DUXB: variants seen among roughly 807,000 people sequenced by gnomAD.
DUXB encodes the protein double homeobox B.
A neutral mutation model predicts 8.9 loss-of-function variants in DUXB; 22 were observed. The ratio of observed to expected loss-of-function variants is 2.46; its 90% confidence interval spans 1.76 to 3.52. DUXB has a LOEUF of 3.52. DUXB is among the 30% of genes most tolerant of loss of function. The pLI, the probability that DUXB is intolerant of heterozygous loss-of-function variation, is 0.00. For synonymous variants in DUXB, 84 were observed against 37.6 expected (o/e 2.23, Z -4.52); for missense variants, 237 against 108.7 (o/e 2.18, Z -5.25).
At position 75,696,875 on chromosome 16, in the gene DUXB, T is replaced by A; in HGVS notation, c.249A>T (p.Gln83His). 1.4e-6 allele frequency: 1 copy of A among 702,982 alleles called. No individual in the cohort carries two copies. Among genetic ancestry groups the A allele is most frequent in the South Asian group, 1.5e-5 (1 of 67,594 alleles). The allele number at this position is 702,982 out of a possible 1,614,324, so 43.5% of individuals were successfully genotyped here. The change falls in exon 3 of 5, where the codon CAA (glutamine) becomes CAT (histidine). Residue 83 changes from glutamine (Q) to histidine (H), a missense_variant. Coordinates refer to ENST00000633875, the MANE Select transcript of DUXB (RefSeq NM_001351307.2). Reference sequence around the variant, plus strand: ...GCTGGGACTGGTCATGCCCCTGGGTTTGATCTTTTTCTGAGAAGCACTTAT... The same window carrying A: ...GCTGGGACTGGTCATGCCCCTGGGTATGATCTTTTTCTGAGAAGCACTTAT... Reference protein sequence around the residue: ...LDYKCFSEKDQTQGHDQSQHL... With the variant: ...LDYKCFSEKDHTQGHDQSQHL...
At position 75,696,036 on chromosome 16, in the gene DUXB, C is replaced by G; in HGVS notation, c.366G>C (p.Glu122Asp). The change falls in exon 4 of 5, where the codon GAG (glutamate) becomes GAC (aspartate). Residue 122 changes from glutamate (E) to aspartate (D), a missense_variant. Physicochemically the swap from Glu to Asp is conservative, Grantham distance 45 (BLOSUM62 2). Transcript: ENST00000633875. The part of the protein sequence containing the change: ...TQKNRLVQAF[E>D]RNPFPDIATR... ...TAGCAATATCAGGGAATGGGTTCCT[C>G]TCAAAGGCTTGCACTAGCCTGTTTT... 1.4e-6 allele frequency: 1 copy of G among 703,020 alleles called. No homozygotes were observed. Among genetic ancestry groups the G allele is most frequent in the Admixed American group, 2.0e-5 (1 of 50,014 alleles). 43.5% of individuals were successfully genotyped at this position (703,020 alleles called of 1,614,324 possible).
Position 75,696,330 on chromosome 16 carries a change from T to C in DUXB, c.287-215A>G, listed in dbSNP as rs975561584. Among the ~76,000 whole-genome samples, 3 of 152,306 alleles carry C rather than the reference T, an allele frequency of 2.0e-5. No individual in the cohort carries two copies. The South Asian group carries it at 6.2e-4, about 32-fold the overall frequency. ...ACTTCGGGAGGCCAAGGTAAGTGGA[T>C]CACTTGAGGTTGGGAGTTCGAGGCC... On this transcript the variant is annotated intron_variant, in intron 3 of 4. Coordinates refer to ENST00000633875, the MANE Select transcript of DUXB (RefSeq NM_001351307.2).
chr16:75,697,234 C>G (rs1002881335), intron 2 of DUXB, among the ~76,000 whole-genome samples: 1 of 152,164 alleles, frequency 6.6e-6, no homozygotes, highest in Non-Finnish European at 1.5e-5. Flanking sequence ...AAGGATCGCT[C>G]TCTGTCTCTC....
chr16:75,700,585 T>A (rs1359925189), intron 1 of DUXB, among the ~76,000 whole-genome samples: 1 of 152,074 alleles, frequency 6.6e-6, no homozygotes, highest in Non-Finnish European at 1.5e-5. Context: ...TGGTACCATG[T>A]CAGCTCACTG....
chr16:75,697,417 A>G (rs2082617297), intron 2 of DUXB, among the ~76,000 whole-genome samples: 1 of 152,206 alleles, frequency 6.6e-6, no homozygotes, highest in South Asian at 2.1e-4. Flanking sequence ...TTGGACTAAC[A>G]CTTATCAGTA....
Position 75,694,380 on chromosome 16 carries a change from TGA to T in DUXB, c.585_586del (p.His196LeufsTer12). On this transcript the variant is annotated frameshift_variant, in exon 5 of 5. Coordinates refer to ENST00000633875, the MANE Select transcript of DUXB (RefSeq NM_001351307.2). LOFTEE classifies it low-confidence loss of function (END_TRUNC). The stretch of plus-strand genomic sequence containing the variant: ...GGAAGAATGTGAGCAAGAAAAATAA[TGA>T]GAGCTGTCTGTGGGGAGGAACAGGT... The T allele has an allele frequency of 1.5e-6, 1 of 676,474 alleles. No individual in the cohort carries two copies. Among genetic ancestry groups the T allele is most frequent in the Non-Finnish European group, 2.7e-6 (1 of 376,068 alleles). The allele number at this position is 676,474 out of a possible 1,614,324, so 41.9% of individuals were successfully genotyped here.
chr16:75,698,150 T>C (rs960617581), intron 2 of DUXB, among the ~76,000 whole-genome samples: 1 of 152,208 alleles, frequency 6.6e-6, no homozygotes, highest in Non-Finnish European at 1.5e-5. Flanking sequence ...GTATAAACAC[T>C]ATGGCAGAGG....
Position 75,694,177 on chromosome 16 carries a change from T to C in DUXB, c.790A>G (p.Ile264Val), listed in dbSNP as rs7204789. 2,193 of 476,872 alleles carry C rather than the reference T, an allele frequency of 4.6e-3. 45 individuals carry two copies. Among genetic ancestry groups the C allele is most frequent in the African/African-American group, 0.039 (1,981 of 50,396 alleles). 29.5% of individuals were successfully genotyped at this position (476,872 alleles called of 1,614,324 possible). Reference protein sequence around the residue: ...IIPNHLLTLPILTKDLDTPTP... With the variant: ...IIPNHLLTLPVLTKDLDTPTP... Reference sequence around the variant, plus strand: ...GGAGTATCTAAGTCCTTTGTCAGAATTGGCAGTGTCAGGAGGTGATTCGGA... The same window carrying C: ...GGAGTATCTAAGTCCTTTGTCAGAACTGGCAGTGTCAGGAGGTGATTCGGA... The change falls in exon 5 of 5, where the codon ATT (isoleucine) becomes GTT (valine). Residue 264 changes from isoleucine to valine, a missense_variant. Ile to Val is a conservative substitution (Grantham distance 29, BLOSUM62 3). Transcript: ENST00000633875.
chr16:75,697,653 G>A (rs915164543), intron 2 of DUXB, among the ~76,000 whole-genome samples: 2 of 152,134 alleles, frequency 1.3e-5, no homozygotes, highest in Non-Finnish European at 2.9e-5. Flanking sequence ...TAATGACAAC[G>A]AATATCCAAT....
At chr16:75,694,713 T>G (rs1178079027) in intron 4 of DUXB, among the ~76,000 whole-genome samples, 188 bp from the exon 5 acceptor site, 1 of 152,116 alleles carries the variant, frequency 6.6e-6, no homozygotes, top group Non-Finnish European at 1.5e-5. Flanking sequence ...ATTGAAAATA[T>G]TTAGAAGAAA....
chr16:75,699,890 A>G (rs1016231766), intron 2 of DUXB, 125 bp downstream of exon 2: 1 of 515,572 alleles, frequency 1.9e-6, no homozygotes, highest in Non-Finnish European at 3.4e-6. Context: ...TTTGTAGAAC[A>G]GGAAAACGTT....
intron 4 of DUXB, 91 bp from the exon 5 acceptor site, chr16:75,694,616 C>G (rs546545741): frequency 2.9e-6 from 2 of 678,380 alleles, no homozygotes; most frequent in Non-Finnish European, 5.3e-6. Context: ...AGCTATTAAC[C>G]TAAGGACAAA....
At chr16:75,698,347 C>T in intron 2 of DUXB, among the ~76,000 whole-genome samples, 1 of 152,326 alleles carries the variant, frequency 6.6e-6, no homozygotes, top group East Asian at 1.9e-4. Flanking sequence ...TTCTTCTCTC[C>T]TATATCCTCT....
At chr16:75,700,268 T>C in intron 1 of DUXB, 99 bp from the exon 2 acceptor site, 2 of 582,220 alleles carry the variant, frequency 3.4e-6, no homozygotes, top group Non-Finnish European at 6.1e-6. Context: ...AGAGTCTCAC[T>C]CTGTCGCCCA....
At position 75,694,289 on chromosome 16, in the gene DUXB, G is replaced by A; in HGVS notation, c.678C>T (p.Phe226=). The change falls in exon 5 of 5, where the codon TTC becomes TTT. Residue 226 remains phenylalanine, a synonymous_variant. Transcript: ENST00000633875. ...TGACATTTGGTCCTTGGCTCACATG[G>A]AACCTGAAGGGATCCCAAGGAGCCT... ...STQAPWDPFR[F]HVSQGPNVMI... 1 of 611,136 alleles carries A rather than the reference G, an allele frequency of 1.6e-6. No homozygotes were observed. 37.9% of individuals were successfully genotyped at this position (611,136 alleles called of 1,614,324 possible).
At chr16:75,698,902 G>A (rs1319615751) in intron 2 of DUXB, 1 of 152,234 alleles carries the variant, frequency 6.6e-6, no homozygotes, top group Non-Finnish European at 1.5e-5. Context: ...GAAGTGCAGT[G>A]GTGCAATCAC....
At chr16:75,698,417 A>G (rs1055828073) in intron 2 of DUXB, 1 of 152,238 alleles carries the variant, frequency 6.6e-6, no homozygotes, top group African/African-American at 2.4e-5. Flanking sequence ...TGCAAAACCC[A>G]GAACTCATTA....
intron 2 of DUXB, among the ~76,000 whole-genome samples, chr16:75,699,450 G>A (rs1959198911): frequency 6.6e-6 from 1 of 152,038 alleles, no homozygotes; most frequent in Admixed American, 6.5e-5. Flanking sequence ...TTACCTATTG[G>A]GAGAGACTGA....
At chr16:75,700,922 C>A (rs1959206846) in intron 1 of DUXB, among the ~76,000 whole-genome samples, 1 of 151,796 alleles carries the variant, frequency 6.6e-6, no homozygotes, top group African/African-American at 2.4e-5. Context: ...CCTAAGTTTC[C>A]AAAGAGAGAA....
Sources: gnomAD v4.1 joint callset for allele counts (sites outside exome capture counted in the v4.1 genomes callset) on GRCh38, gnomAD v4.1.1 for gene constraint, MANE v1.5 for transcripts, NCBI Gene and HGNC (gene_info 2026-07-23, HGNC 2026-07-21) for gene names.